SASH1: variants seen among roughly 807,000 people sequenced by gnomAD.
The protein encoded by SASH1 is SAM and SH3 domain containing 1, also known as SAM and SH3 domain-containing protein 1.
A neutral mutation model predicts 125.2 loss-of-function variants in SASH1; 44 were observed. That is an observed-to-expected ratio of 0.35 (90% CI 0.28 to 0.45). SASH1 has a LOEUF of 0.45. Ranked by LOEUF, SASH1 falls within the 20% of genes least tolerant of loss-of-function variation. SASH1 has a pLI of 1.00. For synonymous variants in SASH1, 639 were observed against 649.1 expected (o/e 0.98, Z 0.24); for missense variants, 1,426 against 1,614.5 (o/e 0.88, Z 2.00).
chr6:148,346,879 T>G (rs1274063433), intron 1 of SASH1, among the ~76,000 whole-genome samples: 2 of 152,220 alleles, frequency 1.3e-5, no homozygotes, highest in Non-Finnish European at 2.9e-5. Context: ...TTCTGTTCAC[T>G]AACACCACGA....
chr6:148,375,879 C>G (rs1782871921), intron 1 of SASH1, among the ~76,000 whole-genome samples: 1 of 152,118 alleles, frequency 6.6e-6, no homozygotes, highest in African/African-American at 2.4e-5. Context: ...CCTCTGAGTC[C>G]CTGAATGGCA....
chr6:148,230,630 ATG>A, the SASH1 span, among the ~76,000 whole-genome samples: 1 of 152,174 alleles, frequency 6.6e-6, no homozygotes, highest in African/African-American at 2.4e-5. Context: ...CACCAGCGCT[ATG>A]TAAACAGGTT....
chr6:148,200,471 G>A, the SASH1 span, among the ~76,000 whole-genome samples: 6 of 152,144 alleles, frequency 3.9e-5, no homozygotes, highest in Non-Finnish European at 8.8e-5. Flanking sequence ...ATGTGGCTTC[G>A]GCGACCTCTG....
In SASH1 at chr6:148,407,758, G is replaced by A. The variant is rs938334335; in HGVS notation, c.285+17496G>A. On this transcript the variant is annotated intron_variant, in intron 2 of 19. Coordinates refer to ENST00000367467, the MANE Select transcript of SASH1 (RefSeq NM_015278.5). ...AGCAATTCTCTTGTCTCAGCCTCCC[G>A]AGTAGCTGGGACTACAGGCGCGCAC... 4.6e-5 allele frequency among the ~76,000 whole-genome samples: 7 copies of A among 152,004 alleles called. No homozygotes were observed. In the East Asian group the frequency reaches 9.6e-4, roughly 21 times the overall value.
intron 9 of SASH1, among the ~76,000 whole-genome samples, chr6:148,518,873 G>A (rs1159079504): frequency 5.9e-5 from 9 of 152,188 alleles, no homozygotes; most frequent in African/African-American, 9.7e-5. Context: ...AGCTGCCTGC[G>A]TGTCAGGGCC....
chr6:148,320,596 G>A (rs1442068467), intron 1 of SASH1, among the ~76,000 whole-genome samples: 1 of 152,194 alleles, frequency 6.6e-6, no homozygotes, highest in East Asian at 1.9e-4. Context: ...GTTCTTTCAG[G>A]TCTTTAAGTC....
At chr6:148,474,052 A>G in intron 6 of SASH1, 58 bp from the exon 7 acceptor site, 2 of 1,039,216 alleles carry the variant, frequency 1.9e-6, no homozygotes, top group Non-Finnish European at 3.0e-6. Context: ...TTCCGCATTG[A>G]CGTTCTGTTT....
intron 1 of SASH1, among the ~76,000 whole-genome samples, chr6:148,316,623 C>T (rs1780486218): frequency 6.6e-6 from 1 of 152,234 alleles, no homozygotes; most frequent in African/African-American, 2.4e-5. Flanking sequence ...CTCCATTTTT[C>T]TCCTCCTAGG....
At chr6:148,494,584 G>A (rs577772321) in intron 8 of SASH1, among the ~76,000 whole-genome samples, 4 of 152,124 alleles carry the variant, frequency 2.6e-5, no homozygotes, top group Middle Eastern at 3.4e-3. Flanking sequence ...CCGAGATCAC[G>A]CCACTGCTCT....
intron 1 of SASH1, among the ~76,000 whole-genome samples, chr6:148,277,139 C>T (rs1562301817): frequency 6.6e-6 from 1 of 152,126 alleles, no homozygotes; most frequent in Non-Finnish European, 1.5e-5. Context: ...TATTTGAACC[C>T]AGAGAGTCTG....
chr6:148,491,631 A>G (rs149700279), intron 8 of SASH1, among the ~76,000 whole-genome samples: 168 of 152,284 alleles, frequency 1.1e-3, no homozygotes, highest in Non-Finnish European at 2.2e-3. Flanking sequence ...CTACAGATTC[A>G]GTCTTTACCT....
chr6:148,520,370 C>A (rs1456204937), intron 10 of SASH1: 2 of 165,188 alleles, frequency 1.2e-5, no homozygotes, highest in East Asian at 3.4e-4. Context: ...TCTTGAGAAT[C>A]CACCAGAAGT....
At chr6:148,236,375 G>C in the SASH1 span, among the ~76,000 whole-genome samples, 1 of 152,018 alleles carries the variant, frequency 6.6e-6, no homozygotes, top group Non-Finnish European at 1.5e-5. Flanking sequence ...ATCATGCCTG[G>C]CTAATTTTTG....
rs75077012 is a variant in SASH1, at chr6:148,509,463, C to T, written c.730-4861C>T. ...AATTGTGACAGCGTGTCGTGTGTTT[C>T]GAGCTAGGGAAACAAGCTGAGTGAA... On this transcript the variant is annotated intron_variant, in intron 8 of 19. Coordinates refer to ENST00000367467, the MANE Select transcript of SASH1 (RefSeq NM_015278.5). 8 of 154,964 alleles carry T rather than the reference C, an allele frequency of 5.2e-5. No homozygotes were observed. The South Asian group carries it at 8.0e-4, about 15-fold the overall frequency. The allele number at this position is 154,964 out of a possible 1,614,324, so 9.6% of individuals were successfully genotyped here. A position where few individuals can be genotyped will look rare whatever the true frequency, so the allele number is the denominator to read the frequency against.
rs1583209246 is a variant in SASH1, at chr6:148,468,459, A to T, written c.387-86A>T. The T allele has an allele frequency of 8.0e-6, 8 of 1,001,444 alleles. No individual in the cohort carries two copies. In the South Asian group the frequency reaches 9.8e-5, roughly 12 times the overall value. 62.0% of individuals were successfully genotyped at this position (1,001,444 alleles called of 1,614,324 possible). A position where few individuals can be genotyped will look rare whatever the true frequency, so the allele number is the denominator to read the frequency against. On this transcript the variant is annotated intron_variant, in intron 4 of 19. Coordinates refer to ENST00000367467, the MANE Select transcript of SASH1 (RefSeq NM_015278.5). ...TCCCTGGCTGTATTAAGTAGTATTG[A>T]TGCTGGGTCAAACTAGTTAGGAGGA... is the stretch of plus-strand genomic sequence containing the variant.
At chr6:148,314,589 A>T (rs1397432414) in intron 1 of SASH1, among the ~76,000 whole-genome samples, 1 of 152,114 alleles carries the variant, frequency 6.6e-6, no homozygotes, top group Admixed American at 6.6e-5. Context: ...CATAAGTTTC[A>T]GTTTAGGCCC....
chr6:148,347,560 G>T (rs1781562569), intron 1 of SASH1, among the ~76,000 whole-genome samples: 1 of 152,184 alleles, frequency 6.6e-6, no homozygotes, highest in African/African-American at 2.4e-5. Flanking sequence ...GGCCCAGTGT[G>T]GGGCGGGGAG....
At chr6:148,514,030 C>CTAAG (rs1411917165) in intron 8 of SASH1, 1 of 1,098,724 alleles carries the variant, frequency 9.1e-7, no homozygotes, top group Non-Finnish European at 1.1e-6. Context: ...TGGAGTCCTC[C>CTAAG]TAAGAGAGGA....
intron 8 of SASH1, among the ~76,000 whole-genome samples, chr6:148,499,573 C>A (rs1779476772): frequency 6.6e-6 from 1 of 152,094 alleles, no homozygotes; most frequent in Non-Finnish European, 1.5e-5. Flanking sequence ...ATTTTCCTGC[C>A]TATTGTGATA....
Sources: gnomAD v4.1 joint callset for allele counts (sites outside exome capture counted in the v4.1 genomes callset) on GRCh38, gnomAD v4.1.1 for gene constraint, MANE v1.5 for transcripts, NCBI Gene and HGNC (gene_info 2026-07-23, HGNC 2026-07-21) for gene names.